The following CDS2 variants were observed in gnomAD, a reference collection of about 807,000 sequenced individuals.
The protein encoded by CDS2 is CDP-diacylglycerol synthase 2.
CDS2 carries 47 observed loss-of-function variants against 59.0 expected under a neutral mutation model. The observed-to-expected ratio is 0.80, with a 90% CI of 0.63 to 1.02. CDS2 has a LOEUF of 1.02. Among genes scored for constraint, CDS2 ranks in the 50% least tolerant of loss-of-function variants. The pLI, the probability that CDS2 is intolerant of heterozygous loss-of-function variation, is 0.00. For missense variants in CDS2, 356 were observed against 558.9 expected, an observed-to-expected ratio of 0.64 and a Z score of 3.66; for synonymous variants, 207 against 206.4, an observed-to-expected ratio of 1.00 and a Z score of -0.02.
chr20:5,140,067 G>T (rs1273061909), intron 1 of CDS2, among the ~76,000 whole-genome samples: 1 of 152,198 alleles, frequency 6.6e-6, no homozygotes, highest in African/African-American at 2.4e-5. Context: ...TTCCCAACGT[G>T]CTGGGATTAC....
intron 1 of CDS2, among the ~76,000 whole-genome samples, chr20:5,144,948 T>TTTAA (rs1163616490): frequency 1.3e-5 from 2 of 152,102 alleles, no homozygotes; most frequent in Non-Finnish European, 2.9e-5. Flanking sequence ...AGCATCACAG[T>TTTAA]TTAATGCCCA....
intron 1 of CDS2, among the ~76,000 whole-genome samples, chr20:5,142,373 G>A (rs533070657): frequency 6.6e-6 from 1 of 152,204 alleles, no homozygotes; most frequent in South Asian, 2.1e-4. Context: ...CTTGAACCCA[G>A]GAGGTGGAGG....
rs557018222 is a variant in CDS2 at position 5,149,109 on chromosome 20, C to T, written c.57+21960C>T. On this transcript the variant is annotated intron_variant, in intron 1 of 12. Transcript: ENST00000460006. ...CACTATAGCCCTGACCTCCTGGGCT[C>T]AAGCGATCCTATGAAATGGTGCCAA... is the stretch of plus-strand genomic sequence containing the variant. Among the ~76,000 whole-genome samples the T allele has an allele frequency of 9.9e-5, 15 of 152,244 alleles. 1 individual carries two copies. The South Asian group carries it at 3.1e-3, about 32-fold the overall frequency.
At chr20:5,190,045 A>G in intron 12 of CDS2, 57 bp from the exon 13 acceptor site, 1 of 1,591,298 alleles carries the variant, frequency 6.3e-7, no homozygotes, top group South Asian at 1.1e-5. Context: ...TCAGATAATC[A>G]GGCCCTGGAA....
chr20:5,157,984 C>T (rs1048701316), intron 1 of CDS2, among the ~76,000 whole-genome samples: 1 of 152,108 alleles, frequency 6.6e-6, no homozygotes, highest in African/African-American at 2.4e-5. Context: ...GTCTGACCCA[C>T]GACCCAACAC....
In CDS2 at chr20:5,175,274, A is replaced by G. The variant is rs756079307; in HGVS notation, c.286A>G (p.Ile96Val). 6.2e-7 allele frequency: 1 copy of G among 1,612,910 alleles called. No individual in the cohort carries two copies. The highest frequency in any genetic ancestry group is 1.7e-5 in the Admixed American group (1 of 60,000). ...TTACCTGGGACCAATGGTTTTGATG[A>G]TAATCGTAAGTGCCATTTCACACTA... is the stretch of plus-strand genomic sequence containing the variant. Reference protein sequence around the residue: ...IIYLGPMVLMIIVMCVQIKCF... With the variant: ...IIYLGPMVLMVIVMCVQIKCF... The change falls in exon 3 of 13, where the codon ATA (isoleucine) becomes GTA (valine). Residue 96 changes from isoleucine to valine, a missense_variant. Physicochemically the swap from Ile to Val is conservative, Grantham distance 29. Transcript: ENST00000460006.
intron 1 of CDS2, 42 bp from the exon 2 acceptor site, chr20:5,173,481 G>A (rs1316358447): frequency 8.7e-6 from 14 of 1,610,946 alleles, no homozygotes; most frequent in African/African-American, 1.3e-5. Flanking sequence ...TGGTCTACTC[G>A]GCACTTTTGA....
rs920513374 is a variant in CDS2 at position 5,195,895 on chromosome 20, A to G, written c.*5661A>G. ...ATGGGTGACTCATGAATGAAGGGAG[A>G]ACAGGCACAGGACTTAATGAAAAGA... On this transcript the variant is annotated 3_prime_UTR_variant, in exon 13 of 13. Transcript: ENST00000460006. 2 of 152,166 alleles carry G rather than the reference A, an allele frequency of 1.3e-5. No homozygotes were observed. Among genetic ancestry groups the G allele is most frequent in the Non-Finnish European group, 2.9e-5 (2 of 68,032 alleles). The allele number at this position is 152,166 out of a possible 1,614,324, so 9.4% of individuals were successfully genotyped here.
Position 5,190,136 on chromosome 20 carries a change from C to G in CDS2, c.1240C>G (p.Leu414Val). 1 of 1,613,996 alleles carries G rather than the reference C, an allele frequency of 6.2e-7. No individual in the cohort carries two copies. The highest frequency in any genetic ancestry group is 8.5e-7 in the Non-Finnish European group (1 of 1,179,910). ...CCCAAGCAAACTGATTCAGCAGTTC[C>G]TGACTTTACGGCCAGATCAGCAGCT... ...PNPSKLIQQF[L>V]TLRPDQQLHI... The change falls in exon 13 of 13, where the codon CTG becomes GTG. Residue 414 changes from leucine to valine, a missense_variant. Leu to Val is a conservative substitution (Grantham distance 32, BLOSUM62 1). Transcript: ENST00000460006.
chr20:5,159,396 A>T (rs2090859396), intron 1 of CDS2, among the ~76,000 whole-genome samples: 1 of 145,866 alleles, frequency 6.9e-6, no homozygotes, highest in Admixed American at 7.2e-5. Flanking sequence ...ACAGAGAAGC[A>T]TCAAAAAATG....
chr20:5,181,642 C>G (rs747515935), intron 5 of CDS2, among the ~76,000 whole-genome samples: 1 of 152,106 alleles, frequency 6.6e-6, no homozygotes, highest in Non-Finnish European at 1.5e-5. Flanking sequence ...GCTATGTTCT[C>G]GGAAATGCAT....
chr20:5,158,652 A>T (rs1464586674), intron 1 of CDS2, among the ~76,000 whole-genome samples: 1 of 152,188 alleles, frequency 6.6e-6, no homozygotes, highest in African/African-American at 2.4e-5. Context: ...TCTTGGTTTG[A>T]TATGTACAAA....
chr20:5,151,346 C>T (rs995792477), intron 1 of CDS2, among the ~76,000 whole-genome samples: 19 of 152,096 alleles, frequency 1.2e-4, no homozygotes, highest in African/African-American at 3.6e-4. Flanking sequence ...ACAAATTAAA[C>T]GCACAACATA....
chr20:5,151,540 T>C (rs1443218916), intron 1 of CDS2, among the ~76,000 whole-genome samples: 3 of 152,062 alleles, frequency 2.0e-5, no homozygotes, highest in Non-Finnish European at 4.4e-5. Context: ...GTGGGAGGAT[T>C]GCTTAAGCCC....
chr20:5,142,317 C>T (rs2090701270), intron 1 of CDS2, among the ~76,000 whole-genome samples: 1 of 152,116 alleles, frequency 6.6e-6, no homozygotes, highest in Admixed American at 6.5e-5. Flanking sequence ...CATGATGGTG[C>T]ATGCCTGTAA....
At chr20:5,131,444 G>A (rs1301725864) in intron 1 of CDS2, among the ~76,000 whole-genome samples, 1 of 152,226 alleles carries the variant, frequency 6.6e-6, no homozygotes, top group Non-Finnish European at 1.5e-5. Flanking sequence ...GCTTAGGAAA[G>A]CAAAGGATGA....
At position 5,191,487 on chromosome 20, in the gene CDS2, C is replaced by T. The variant is rs1217723892; in HGVS notation, c.*1253C>T. Reference sequence around the variant, plus strand: ...ACAGATTAGTTCTTTGTCAGGCCAACAAGTGATGGAGTGCGGGAGAGAGAA... The same window carrying T: ...ACAGATTAGTTCTTTGTCAGGCCAATAAGTGATGGAGTGCGGGAGAGAGAA... On this transcript the variant is annotated 3_prime_UTR_variant, in exon 13 of 13. Transcript: ENST00000460006. 4 of 152,194 alleles carry T rather than the reference C, an allele frequency of 2.6e-5. 1 individual carries two copies. The highest frequency in any genetic ancestry group is 5.9e-5 in the Non-Finnish European group (4 of 68,032). 9.4% of individuals were successfully genotyped at this position (152,194 alleles called of 1,614,324 possible). A position where few individuals can be genotyped will look rare whatever the true frequency, so the allele number is the denominator to read the frequency against.
intron 1 of CDS2, among the ~76,000 whole-genome samples, chr20:5,138,116 ATTT>A (rs11475285): frequency 2.1e-5 from 3 of 143,286 alleles, no homozygotes; most frequent in Non-Finnish European, 1.5e-5. Flanking sequence ...ATTTCTTTAA[ATTT>A]TTTTTTTTTT....
chr20:5,136,013 T>C (rs994435124), intron 1 of CDS2, among the ~76,000 whole-genome samples: 5 of 152,280 alleles, frequency 3.3e-5, no homozygotes, highest in African/African-American at 1.2e-4. Flanking sequence ...GCTTGGGGCT[T>C]CTCTGTAAAG....
Sources: allele counts gnomAD v4.1 joint callset (sites outside exome capture counted in the v4.1 genomes callset), GRCh38; gene constraint gnomAD v4.1.1; transcripts MANE v1.5; gene names NCBI Gene and HGNC (gene_info 2026-07-23, HGNC 2026-07-21).